The following PEMT variants were observed in gnomAD, a reference collection of about 807,000 sequenced individuals.
PEMT encodes the protein phosphatidylethanolamine N-methyltransferase.
In PEMT, 23 loss-of-function variants were observed where a neutral mutation model predicts 27.4. The observed-to-expected ratio is 0.84, with a 90% CI of 0.60 to 1.19. The LOEUF (loss-of-function observed/expected upper bound fraction) is 1.19. PEMT is among the 50% of genes most tolerant of loss of function. The pLI, the probability that PEMT is intolerant of heterozygous loss-of-function variation, is 0.00. For synonymous variants in PEMT, 137 were observed against 139.1 expected (o/e 0.98, Z 0.11); for missense variants, 307 against 310.1 (o/e 0.99, Z 0.07).
chr17:17,541,604 G>T (rs1908889510), intron 2 of PEMT, among the ~76,000 whole-genome samples: 1 of 152,262 alleles, frequency 6.6e-6, no homozygotes, highest in South Asian at 2.1e-4. Context: ...GCCCAGACCT[G>T]GGACTGCTGC....
intron 2 of PEMT, among the ~76,000 whole-genome samples, chr17:17,536,788 GC>G (rs1908504626): frequency 6.6e-6 from 1 of 152,240 alleles, no homozygotes; most frequent in South Asian, 2.1e-4. Flanking sequence ...TGGTCCATTG[GC>G]CCCGTGGGAC....
intron 2 of PEMT, among the ~76,000 whole-genome samples, chr17:17,570,111 A>G (rs145076685): frequency 3.6e-4 from 55 of 152,366 alleles, no homozygotes; most frequent in Non-Finnish European, 7.3e-4. Flanking sequence ...CACTGCCTGG[A>G]CATCCATTTC....
At chr17:17,573,204 G>A (rs567676491) in intron 2 of PEMT, among the ~76,000 whole-genome samples, 1 of 150,754 alleles carries the variant, frequency 6.6e-6, no homozygotes, top group African/African-American at 2.4e-5. Flanking sequence ...GAAAAAAAAG[G>A]CCTGGCGCGG....
chr17:17,533,722 G>A lies in PEMT; in HGVS notation c.205-11327C>T, dbSNP rs1012979712. ...GCACAATCACTTCTGAAGGCAGTTC[G>A]GCAGTGTCTCTCTTTTTTTTTTTTT... On this transcript the variant is annotated intron_variant, in intron 2 of 6. Transcript: ENST00000255389. Among the ~76,000 whole-genome samples the A allele has an allele frequency of 3.0e-4, 41 of 138,866 alleles. 1 individual carries two copies. Among genetic ancestry groups the A allele is most frequent in the Non-Finnish European group, 3.7e-4 (24 of 64,694 alleles). 91.1% of individuals were successfully genotyped at this position (138,866 alleles called of 152,430 possible). A position where few individuals can be genotyped will look rare whatever the true frequency, so the allele number is the denominator to read the frequency against.
In PEMT at chr17:17,523,078, C is replaced by T; in HGVS notation, c.205-683G>A. ...AGAGAAGGGAGCTCTTCCTGCCTGC[C>T]TGCTGTTTCCACAGTCCTGAGCTGG... On this transcript the variant is annotated intron_variant, in intron 2 of 6. Transcript: ENST00000255389. The surrounding 1 kb of genome is among the most constrained non-coding windows in gnomAD (Gnocchi z 4.8). Among the ~76,000 whole-genome samples, 1 of 152,222 alleles carries T rather than the reference C, an allele frequency of 6.6e-6. No individual in the cohort carries two copies. The highest frequency in any genetic ancestry group is 1.9e-4 in the East Asian group (1 of 5,202).
chr17:17,518,443 C>T (rs1013696655), intron 3 of PEMT, among the ~76,000 whole-genome samples: 1 of 152,224 alleles, frequency 6.6e-6, no homozygotes, highest in Non-Finnish European at 1.5e-5. Flanking sequence ...CCCATTCACA[C>T]TCCACAGCCA....
chr17:17,519,863 G>A (rs1907134277), intron 3 of PEMT, among the ~76,000 whole-genome samples: 1 of 152,230 alleles, frequency 6.6e-6, no homozygotes, highest in South Asian at 2.1e-4. Flanking sequence ...GCTCCATCAA[G>A]GCAGCTGCCT....
chr17:17,506,455 CCTGAGTCTGG>C (rs1490774119), intron 5 of PEMT, 154 bp from the exon 6 acceptor site: 2 of 576,536 alleles, frequency 3.5e-6, no homozygotes, highest in African/African-American at 3.8e-5. Flanking sequence ...ACTGCCCCTT[CCTGAGTCTGG>C]CTTTTGTGCC....
At chr17:17,528,631 G>A (rs187719138) in intron 2 of PEMT, among the ~76,000 whole-genome samples, 2 of 152,310 alleles carry the variant, frequency 1.3e-5, no homozygotes, top group East Asian at 1.9e-4. Context: ...ACGTCCCCGG[G>A]GCAGCAGGGA....
chr17:17,586,284 GAAAGAA>G (rs1263821519), intron 1 of PEMT, among the ~76,000 whole-genome samples: 218 of 72,696 alleles, frequency 3.0e-3, no homozygotes, highest in African/African-American at 0.01. Context: ...AAGAAAGAAA[GAAAGAA>G]AAAAAAAAAC....
chr17:17,506,917 G>A, intron 5 of PEMT: 2 of 522,766 alleles, frequency 3.8e-6, no homozygotes, highest in East Asian at 3.2e-5. Context: ...TGGTGGGACA[G>A]CAGCCCCACG....
chr17:17,526,644 C>T (rs946128331), intron 2 of PEMT, among the ~76,000 whole-genome samples: 2 of 152,204 alleles, frequency 1.3e-5, no homozygotes, highest in African/African-American at 2.4e-5. Context: ...CCGTGGTGCC[C>T]GTCTGGCCTG....
At chr17:17,547,972 G>A (rs1473235472) in intron 2 of PEMT, among the ~76,000 whole-genome samples, 2 of 152,170 alleles carry the variant, frequency 1.3e-5, no homozygotes, top group Non-Finnish European at 1.5e-5. Flanking sequence ...CACAGAGAAC[G>A]TCATCAAATC....
At chr17:17,592,112 C>CCA, upstream of PEMT, 1 of 985,106 alleles carries the variant, frequency 1.0e-6, no homozygotes, top group African/African-American at 1.7e-5. Context: ...GCCCAGGGCC[C>CCA]CACGCCCTCT....
intron 2 of PEMT, among the ~76,000 whole-genome samples, chr17:17,571,530 A>C (rs1911191802): frequency 6.6e-6 from 1 of 152,008 alleles, no homozygotes; most frequent in African/African-American, 2.4e-5. Context: ...GGGAGGGAAG[A>C]GGGAAGGGAC....
chr17:17,575,289 C>T (rs1393838169), intron 2 of PEMT, among the ~76,000 whole-genome samples: 2 of 152,220 alleles, frequency 1.3e-5, no homozygotes, highest in Non-Finnish European at 2.9e-5. Context: ...AGGACACACA[C>T]AATGGCACTT....
rs189257867 is a variant in PEMT at position 17,591,640 on chromosome 17, C to T, written c.-14G>A. The T allele has an allele frequency of 9.5e-4, 1,529 of 1,606,796 alleles. 7 individuals are homozygous for T. Among genetic ancestry groups the T allele is most frequent in the African/African-American group, 6.2e-3 (467 of 74,752 alleles). ...AGATCTCTTCATCCGGGGGCCGCCT[C>T]AGGAGGCACCACGCGGGCCCCGCTG... On this transcript the variant is annotated 5_prime_UTR_variant, in exon 1 of 7. Coordinates refer to ENST00000255389, the MANE Select transcript of PEMT (RefSeq NM_148172.3).
intron 3 of PEMT, among the ~76,000 whole-genome samples, chr17:17,516,618 C>A (rs979243430): frequency 7.2e-5 from 11 of 152,146 alleles, no homozygotes; most frequent in African/African-American, 2.7e-4. Flanking sequence ...AGGCTGACAC[C>A]CACTCTCCTT....
intron 1 of PEMT, among the ~76,000 whole-genome samples, chr17:17,586,288 GAAAAA>G (rs113887195): frequency 1.4e-5 from 1 of 72,012 alleles, no homozygotes; most frequent in Non-Finnish European, 2.8e-5. Flanking sequence ...AAGAAAGAAA[GAAAAA>G]AAAAAACGCA....
Sources: allele counts gnomAD v4.1 joint callset (sites outside exome capture counted in the v4.1 genomes callset), GRCh38; gene constraint gnomAD v4.1.1; non-coding constraint Gnocchi (gnomAD v3.1); transcripts MANE v1.5; gene names NCBI Gene and HGNC (gene_info 2026-07-23, HGNC 2026-07-21).